FAM20B: variants seen among roughly 807,000 people sequenced by gnomAD.
FAM20B encodes FAM20B glycosaminoglycan xylosylkinase.
FAM20B carries 23 observed loss-of-function variants against 43.8 expected under a neutral mutation model. The observed-to-expected ratio is 0.53, with a 90% CI of 0.38 to 0.74. The LOEUF is 0.74. FAM20B is among the 30% of genes least tolerant of loss of function. The pLI, the probability that FAM20B is intolerant of heterozygous loss-of-function variation, is 0.00. For missense variants in FAM20B, 440 were observed against 510.5 expected (o/e 0.86, Z 1.33); for synonymous variants, 178 against 192.4 (o/e 0.93, Z 0.62).
At chr1:179,033,819 A>G (rs1465784629) in intron 1 of FAM20B, among the ~76,000 whole-genome samples, 1 of 152,072 alleles carries the variant, frequency 6.6e-6, no homozygotes, top group African/African-American at 2.4e-5. Flanking sequence ...CAGCCTCTCA[A>G]GTAGCTGGGA....
chr1:179,052,946 A>G (rs12067262), intron 3 of FAM20B, among the ~76,000 whole-genome samples: 3,667 of 152,288 alleles, frequency 0.024, 100 homozygotes, highest in East Asian at 0.073. Context: ...GTTGATATAT[A>G]TGTAAAGTGA....
chr1:179,030,432 A>C (rs1181690974), intron 1 of FAM20B, among the ~76,000 whole-genome samples: 1 of 151,710 alleles, frequency 6.6e-6, no homozygotes, highest in Non-Finnish European at 1.5e-5. Context: ...GTGTTAGACA[A>C]CCTCCTTTCT....
chr1:179,028,308 G>T (rs990961397), intron 1 of FAM20B, among the ~76,000 whole-genome samples: 4 of 152,236 alleles, frequency 2.6e-5, no homozygotes, highest in African/African-American at 9.6e-5. Context: ...AGTTGGTCGG[G>T]CGCGGTGGCT....
At chr1:179,059,077 T>A (rs1261554142) in intron 4 of FAM20B, among the ~76,000 whole-genome samples, 1 of 152,210 alleles carries the variant, frequency 6.6e-6, no homozygotes, top group Non-Finnish European at 1.5e-5. Flanking sequence ...ATTTAGGAGC[T>A]AAAGCCTACA....
chr1:179,053,128 C>A (rs964782114), intron 3 of FAM20B, among the ~76,000 whole-genome samples: 3 of 152,126 alleles, frequency 2.0e-5, no homozygotes, highest in African/African-American at 7.2e-5. Context: ...ATTTAAAAGT[C>A]CTTCCCTACC....
At chr1:179,028,810 C>A (rs542746936) in intron 1 of FAM20B, among the ~76,000 whole-genome samples, 103 of 151,922 alleles carry the variant, frequency 6.8e-4, no homozygotes, top group Admixed American at 2.1e-3. Context: ...AAATATTCGT[C>A]AGTTGAATGA....
chr1:179,050,668 C>G (rs1216507760), intron 3 of FAM20B, among the ~76,000 whole-genome samples: 1 of 152,136 alleles, frequency 6.6e-6, no homozygotes, highest in African/African-American at 2.4e-5. Flanking sequence ...CTGAATTGAA[C>G]TGGTCGTTAA....
chr1:179,019,595 T>C, the FAM20B span, among the ~76,000 whole-genome samples: 1 of 152,042 alleles, frequency 6.6e-6, no homozygotes, highest in African/African-American at 2.4e-5. Flanking sequence ...CCCGAGTACC[T>C]GGGATTACAG....
At chr1:179,035,214 C>T (rs776812018) in intron 1 of FAM20B, 2 of 431,554 alleles carry the variant, frequency 4.6e-6, no homozygotes, top group Non-Finnish European at 8.7e-6. Context: ...GTAAATGTTC[C>T]TCCACCATCA....
In FAM20B at chr1:179,050,373, T is replaced by C. The variant is rs1471410202; in HGVS notation, c.464+8T>C. ...AGCCTTTCACTTGGACAGGTGCGTA[T>C]GATCACAGCAGCTTATGTTCATTTT... On this transcript the variant is annotated splice_region_variant and intron_variant, in intron 3 of 7. Transcript: ENST00000263733. 6.2e-7 allele frequency: 1 copy of C among 1,605,900 alleles called. No homozygotes were observed. The highest frequency in any genetic ancestry group is 8.5e-7 in the Non-Finnish European group (1 of 1,172,596).
rs1651953989 is a variant in FAM20B, at chr1:179,072,201, C to T, written c.*57C>T. ...TACAAAGATAGAGAAACAGCACAAT[C>T]AATTCCAAATGGTATGAGATGGATT... is the stretch of plus-strand genomic sequence containing the variant. On this transcript the variant is annotated 3_prime_UTR_variant, in exon 8 of 8. Transcript: ENST00000263733. 5 of 1,365,938 alleles carry T rather than the reference C, an allele frequency of 3.7e-6. No individual in the cohort carries two copies. The highest frequency in any genetic ancestry group is 5.1e-6 in the Non-Finnish European group (5 of 978,724). The allele number at this position is 1,365,938 out of a possible 1,614,324, so 84.6% of individuals were successfully genotyped here.
At chr1:179,057,991 A>G (rs1202207693) in intron 4 of FAM20B, among the ~76,000 whole-genome samples, 2 of 152,236 alleles carry the variant, frequency 1.3e-5, no homozygotes, top group Non-Finnish European at 2.9e-5. Flanking sequence ...TGTGCTATAG[A>G]TACCTTTGGC....
chr1:179,058,331 C>G (rs1651312933), intron 4 of FAM20B, among the ~76,000 whole-genome samples: 1 of 152,208 alleles, frequency 6.6e-6, no homozygotes, highest in African/African-American at 2.4e-5. Context: ...GGTTTGCTCC[C>G]TGCCATCATA....
chr1:179,047,195 G>C (rs142518355), intron 2 of FAM20B, among the ~76,000 whole-genome samples: 10 of 152,240 alleles, frequency 6.6e-5, no homozygotes, highest in African/African-American at 1.9e-4. Context: ...AGTAGGGGAG[G>C]TAGTAACAGA....
chr1:179,025,787 C>A (rs1453620026), upstream of FAM20B: 1 of 143,292 alleles, frequency 7.0e-6, no homozygotes, highest in Non-Finnish European at 1.5e-5. Context: ...TAGGGGCCGC[C>A]TACTGGGCGG....
At chr1:179,057,748 A>G (rs1215675225) in intron 4 of FAM20B, among the ~76,000 whole-genome samples, 1 of 152,054 alleles carries the variant, frequency 6.6e-6, no homozygotes, top group Non-Finnish European at 1.5e-5. Context: ...CTGAATATGC[A>G]AAACTGAATG....
Position 179,064,381 on chromosome 1 carries a change from A to T in FAM20B, c.823A>T (p.Ile275Phe), listed in dbSNP as rs1322653503. Residue 275 changes from isoleucine (I) to phenylalanine (F), a missense_variant, in exon 6 of 8, where the codon ATC becomes TTC. By Grantham distance (21) the Ile-to-Phe change is conservative. Coordinates refer to ENST00000263733, the MANE Select transcript of FAM20B (RefSeq NM_014864.4). ...PYDSGPRLLD[I>F]IDTAVFDYLI... The stretch of plus-strand genomic sequence containing the variant: ...TGACTCTGGCCCGCGCCTCTTGGAC[A>T]TCATTGACACAGCTGTCTTTGATTA... The T allele has an allele frequency of 6.2e-7, 1 of 1,614,174 alleles. No individual in the cohort carries two copies. The highest frequency in any genetic ancestry group is 8.5e-7 in the Non-Finnish European group (1 of 1,180,022).
intron 2 of FAM20B, 34 bp from the exon 3 acceptor site, chr1:179,050,245 A>G: frequency 6.8e-7 from 1 of 1,466,044 alleles, no homozygotes; most frequent in Non-Finnish European, 9.6e-7. Flanking sequence ...GGTGTAATCC[A>G]CGTATACATC....
chr1:179,032,313 CTTTTTTTTTTT>C (rs547439601), intron 1 of FAM20B, among the ~76,000 whole-genome samples: 3 of 111,936 alleles, frequency 2.7e-5, no homozygotes, highest in Non-Finnish European at 3.7e-5. Flanking sequence ...AGGTCTCATT[CTTTTTTTTTTT>C]TTTTTTTTTT....
Sources: allele counts gnomAD v4.1 joint callset (sites outside exome capture counted in the v4.1 genomes callset), GRCh38; gene constraint gnomAD v4.1.1; transcripts MANE v1.5; gene names NCBI Gene and HGNC (gene_info 2026-07-23, HGNC 2026-07-21).